Variants in CEMIP observed in about 807,000 individuals in gnomAD.
CEMIP encodes cell migration-inducing and hyaluronan-binding protein.
A neutral mutation model predicts 156.9 loss-of-function variants in CEMIP; 105 were observed. The observed-to-expected ratio is 0.67, with a 90% CI of 0.57 to 0.79. CEMIP has a LOEUF of 0.79. CEMIP is among the 30% of genes least tolerant of loss of function. CEMIP has a pLI of 0.00. For missense variants in CEMIP, 1,457 were observed against 1,769.4 expected, an observed-to-expected ratio of 0.82 and a Z score of 3.17; for synonymous variants, 676 against 668.4, an observed-to-expected ratio of 1.01 and a Z score of -0.17.
chr15:80,888,598 G>T, intron 8 of CEMIP, 103 bp from the exon 9 acceptor site: 2 of 819,710 alleles, frequency 2.4e-6, no homozygotes, highest in South Asian at 1.4e-5. Context: ...TTAAAGAAAT[G>T]AGTCAATGCC....
intron 1 of CEMIP, among the ~76,000 whole-genome samples, chr15:80,868,967 G>A (rs1898201542): frequency 2.0e-5 from 3 of 152,186 alleles, no homozygotes; most frequent in South Asian, 4.1e-4. Flanking sequence ...AAAGTAGCAC[G>A]GACTGGGTGA....
At position 80,828,572 on chromosome 15, in the gene CEMIP, C is replaced by T. The variant is rs183302321; in HGVS notation, c.-175-44966C>T. On this transcript the variant is annotated intron_variant, in intron 1 of 29. Transcript: ENST00000394685. ...TTCATTCCTTAGAATAAACCTATGG[C>T]TAATCATTTGTAAAGTGAATATTCT... Among the ~76,000 whole-genome samples the T allele has an allele frequency of 2.2e-3, 342 of 152,276 alleles. 2 individuals are homozygous for T. The highest frequency in any genetic ancestry group is 9.5e-3 in the South Asian group (46 of 4,828).
intron 14 of CEMIP, among the ~76,000 whole-genome samples, chr15:80,913,864 G>A (rs1315207591): frequency 6.6e-6 from 1 of 152,352 alleles, no homozygotes; most frequent in African/African-American, 2.4e-5. Flanking sequence ...CAGAGTAAAG[G>A]CTTGCAATAA....
rs866932085 is a variant in CEMIP at position 80,824,914 on chromosome 15, C to T, written c.-176+45300C>T. ...GAAAGTGATCTCGCAGGGCCTGTGG[C>T]AGAAGCAGTGTTTTCCTATGTTTGG... On this transcript the variant is annotated intron_variant, in intron 1 of 29. Coordinates refer to ENST00000394685, the MANE Select transcript of CEMIP (RefSeq NM_001293298.2). Among the ~76,000 whole-genome samples the T allele has an allele frequency of 9.3e-4, 142 of 152,164 alleles. 2 individuals are homozygous for T. The highest frequency in any genetic ancestry group is 2.6e-4 in the Non-Finnish European group (18 of 68,032).
In CEMIP at chr15:80,859,191, C is replaced by T. The variant is rs547803080; in HGVS notation, c.-175-14347C>T. ...TCACATATCTACCTTAGGAGCAAGGCGAGTGGGTCAGCCCCCATTGAGCTA... is the reference window on the plus strand; with the variant it reads ...TCACATATCTACCTTAGGAGCAAGGTGAGTGGGTCAGCCCCCATTGAGCTA... On this transcript the variant is annotated intron_variant, in intron 1 of 29. Coordinates refer to ENST00000394685, the MANE Select transcript of CEMIP (RefSeq NM_001293298.2). Among the ~76,000 whole-genome samples the T allele has an allele frequency of 2.4e-4, 36 of 152,282 alleles. No homozygotes were observed. In the East Asian group the frequency reaches 5.8e-3, roughly 24 times the overall value.
At chr15:80,812,595 G>T (rs1445569870) in intron 1 of CEMIP, among the ~76,000 whole-genome samples, 1 of 152,178 alleles carries the variant, frequency 6.6e-6, no homozygotes, top group Non-Finnish European at 1.5e-5. Context: ...TGCTTTTGTG[G>T]TTGCTGTTAC....
intron 7 of CEMIP, 74 bp from the exon 8 acceptor site, chr15:80,887,620 C>A: frequency 8.5e-7 from 1 of 1,183,024 alleles, no homozygotes; most frequent in Non-Finnish European, 1.2e-6. Context: ...CAACTCTGCC[C>A]CATCCCCCCA....
At position 80,901,360 on chromosome 15, in the gene CEMIP, G is replaced by A. The variant is rs367961927; in HGVS notation, c.1411+5300G>A. Among the ~76,000 whole-genome samples the A allele has an allele frequency of 4.8e-4, 73 of 152,146 alleles. 2 individuals carry two copies. In the East Asian group the frequency reaches 0.013, roughly 27 times the overall value. On this transcript the variant is annotated intron_variant, in intron 12 of 29. Transcript: ENST00000394685. Reference sequence around the variant, plus strand: ...ATTTAATTTCCAATATGGTGGCCACGAGCCACATGTGGCTACTTAAGTCTA... The same window carrying A: ...ATTTAATTTCCAATATGGTGGCCACAAGCCACATGTGGCTACTTAAGTCTA...
intron 1 of CEMIP, among the ~76,000 whole-genome samples, chr15:80,845,669 G>A (rs944867065): frequency 3.3e-5 from 5 of 152,138 alleles, no homozygotes; most frequent in African/African-American, 1.2e-4. Flanking sequence ...TTTTGGTGTG[G>A]TGGGATCTGG....
chr15:80,871,964 G>A lies in CEMIP; in HGVS notation c.-175-1574G>A, dbSNP rs772696600. ...AGAGCAGGCTTGGGTCAGGCAGGGC[G>A]GCTGTTAAGAGGACACGGCCGGCAT... is the stretch of plus-strand genomic sequence containing the variant. On this transcript the variant is annotated intron_variant, in intron 1 of 29. Transcript: ENST00000394685. 2.0e-5 allele frequency among the ~76,000 whole-genome samples: 3 copies of A among 152,162 alleles called. No individual in the cohort carries two copies. The South Asian group carries it at 6.2e-4, about 31-fold the overall frequency.
At chr15:80,877,948 C>G (rs1357877265) in intron 3 of CEMIP, among the ~76,000 whole-genome samples, 1 of 152,210 alleles carries the variant, frequency 6.6e-6, no homozygotes, top group Non-Finnish European at 1.5e-5. Flanking sequence ...AGAAACTATT[C>G]TCTTTGGTTC....
At chr15:80,795,232 A>G (rs1896188754) in intron 1 of CEMIP, among the ~76,000 whole-genome samples, 1 of 152,018 alleles carries the variant, frequency 6.6e-6, no homozygotes, top group South Asian at 2.1e-4. Context: ...GGGGAGTTAC[A>G]TTGTCTGATT....
intron 1 of CEMIP, among the ~76,000 whole-genome samples, chr15:80,853,295 C>T (rs761157338): frequency 4.6e-5 from 7 of 152,146 alleles, no homozygotes; most frequent in African/African-American, 1.2e-4. Context: ...ATGATAAGGA[C>T]ATAGGGAGTG....
chr15:80,920,098 A>T lies in CEMIP; in HGVS notation c.1802A>T (p.Lys601Met), dbSNP rs1359523301. ...TVHGSNGLLI[K>M]DVVGYNSLGH... ...CCCCTGTCTTGACCCCTGCAGATCA[A>T]GGACGTTGTGGGCTATAACTCTTTG... is the stretch of plus-strand genomic sequence containing the variant. The change falls in exon 15 of 30, where the codon AAG (lysine) becomes ATG (methionine). Residue 601 changes from lysine (K) to methionine (M), a missense_variant. By Grantham distance (95) the Lys-to-Met change is moderately conservative. This residue lies in a region of CEMIP where 53 missense variants were observed against 104.5 expected (regional missense o/e 0.51). Transcript: ENST00000394685. The T allele has an allele frequency of 6.8e-6, 11 of 1,614,116 alleles. No homozygotes were observed. Among genetic ancestry groups the T allele is most frequent in the Non-Finnish European group, 9.3e-6 (11 of 1,180,046 alleles).
At chr15:80,874,233 A>T (rs781654135) in intron 3 of CEMIP, among the ~76,000 whole-genome samples, 2 of 152,226 alleles carry the variant, frequency 1.3e-5, no homozygotes, top group Non-Finnish European at 2.9e-5. Flanking sequence ...CAGGCCCCTG[A>T]CACAAATGAG....
At chr15:80,784,290 G>A (rs577978522) in intron 1 of CEMIP, among the ~76,000 whole-genome samples, 2 of 152,292 alleles carry the variant, frequency 1.3e-5, no homozygotes, top group African/African-American at 4.8e-5. Flanking sequence ...TACGGAGAAA[G>A]CATATCTAGA....
chr15:80,845,126 G>A (rs1191950289), intron 1 of CEMIP, among the ~76,000 whole-genome samples: 1 of 152,188 alleles, frequency 6.6e-6, no homozygotes, highest in African/African-American at 2.4e-5. Flanking sequence ...ATTGGGGGAT[G>A]AATCTAATGT....
intron 23 of CEMIP, 59 bp from the exon 24 acceptor site, chr15:80,936,615 C>A: frequency 6.9e-7 from 1 of 1,446,770 alleles, no homozygotes; most frequent in Admixed American, 1.7e-5. Flanking sequence ...TAGCCAGACG[C>A]TCTTGGAATA....
At chr15:80,791,596 C>T (rs968262244) in intron 1 of CEMIP, among the ~76,000 whole-genome samples, 7 of 152,080 alleles carry the variant, frequency 4.6e-5, no homozygotes, top group South Asian at 2.1e-4. Context: ...GAAAATTTTC[C>T]GAGGCTCCTA....
Sources: allele counts gnomAD v4.1 joint callset (sites outside exome capture counted in the v4.1 genomes callset), GRCh38; gene constraint gnomAD v4.1.1; regional missense constraint gnomAD v4.1.1; transcripts MANE v1.5; gene names NCBI Gene and HGNC (gene_info 2026-07-23, HGNC 2026-07-21).